The following KCNQ1OT1 variants were observed in gnomAD, a reference collection of about 807,000 sequenced individuals.
The protein encoded by KCNQ1OT1 is KCNQ1 opposite strand/antisense transcript 1.
At position 2,612,168 on chromosome 11, in the gene KCNQ1OT1, G is replaced by C. The variant is rs919413804; in HGVS notation, n.87827C>G. On this transcript the variant is annotated non_coding_transcript_exon_variant, in exon 1 of 1. Coordinates refer to ENST00000597346, the Ensembl canonical transcript of KCNQ1OT1. The surrounding 1 kb of genome is among the most constrained non-coding windows in gnomAD (Gnocchi z 5.5). ...TATTAGAAACTGGGCTACACAGCAG[G>C]AGGTGAGCAGCAGGCAAGCAAGCAT... The C allele has an allele frequency of 3.1e-4, 124 of 398,658 alleles. No homozygotes were observed. Among genetic ancestry groups the C allele is most frequent in the Middle Eastern group, 1.3e-3 (2 of 1,588 alleles). The allele number at this position is 398,658 out of a possible 1,614,324, so 24.7% of individuals were successfully genotyped here.
chr11:2,634,671 T>A (rs1849426373), exon 1 of KCNQ1OT1: 1 of 152,204 alleles, frequency 6.6e-6, no homozygotes, highest in Admixed American at 6.5e-5. Context: ...GCAGCATGAC[T>A]TATAGTCCTT....
exon 1 of KCNQ1OT1, chr11:2,638,626 CT>C (rs1463566232): frequency 6.6e-6 from 1 of 152,190 alleles, no homozygotes; most frequent in Non-Finnish European, 1.5e-5. Flanking sequence ...TTCATTTCAA[CT>C]TTGGTGAATC....
In KCNQ1OT1 at chr11:2,661,500, A is replaced by T; in HGVS notation, n.38495T>A. On this transcript the variant is annotated non_coding_transcript_exon_variant, in exon 1 of 1. Transcript: ENST00000597346. The surrounding 1 kb of genome is among the most constrained non-coding windows in gnomAD (Gnocchi z 5.9). ...CCACCTCCCAGGCTTGCCATTCCTC[A>T]TGGGTCAGAGGTCCTATCACCCCAT... The T allele has an allele frequency of 4.5e-6, 2 of 442,170 alleles. No homozygotes were observed. The highest frequency in any genetic ancestry group is 4.0e-6 in the Non-Finnish European group (1 of 251,598). 27.4% of individuals were successfully genotyped at this position (442,170 alleles called of 1,614,324 possible). A position where few individuals can be genotyped will look rare whatever the true frequency, so the allele number is the denominator to read the frequency against.
chr11:2,662,460 G>C, exon 1 of KCNQ1OT1: 1 of 474,656 alleles, frequency 2.1e-6, no homozygotes, highest in Non-Finnish European at 3.7e-6. Context: ...CCATGGGGCA[G>C]ATGCCGGGTG....
rs1382078747 is a variant in KCNQ1OT1 at position 2,663,985 on chromosome 11, C to G, written n.36010G>C. 1.8e-5 allele frequency: 7 copies of G among 398,626 alleles called. No homozygotes were observed. The highest frequency in any genetic ancestry group is 3.1e-5 in the Non-Finnish European group (7 of 226,138). The allele number at this position is 398,626 out of a possible 1,614,324, so 24.7% of individuals were successfully genotyped here. On this transcript the variant is annotated non_coding_transcript_exon_variant, in exon 1 of 1. Coordinates refer to ENST00000597346, the Ensembl canonical transcript of KCNQ1OT1. This position sits in a 1 kb window ranked among gnomAD's most constrained non-coding sequence, Gnocchi z 5.2. ...ACCTGAACATCCATCCCCAAGCTCT[C>G]TGCCCACTTTGGGTCTGGCACATTA...
exon 1 of KCNQ1OT1, chr11:2,646,555 T>C (rs1053219468): frequency 2.3e-5 from 9 of 398,548 alleles, no homozygotes; most frequent in Non-Finnish European, 4.0e-5. Flanking sequence ...AGACAGGGTC[T>C]CACTCTGTTG....
At position 2,617,045 on chromosome 11, in the gene KCNQ1OT1, A is replaced by C; in HGVS notation, n.82950T>G. The C allele has an allele frequency of 2.5e-6, 1 of 398,226 alleles. No homozygotes were observed. The highest frequency in any genetic ancestry group is 3.6e-5 in the East Asian group (1 of 28,038). 24.7% of individuals were successfully genotyped at this position (398,226 alleles called of 1,614,324 possible). On this transcript the variant is annotated non_coding_transcript_exon_variant, in exon 1 of 1. Transcript: ENST00000597346. This position sits in a 1 kb window ranked among gnomAD's most constrained non-coding sequence, Gnocchi z 4.6. ...ATCGTTAACATAGTGATGCAAATTA[A>C]TATGTCCATCATCTCACAGTTATTC...
chr11:2,648,094 T>G (rs1334485863), exon 1 of KCNQ1OT1: 14 of 391,916 alleles, frequency 3.6e-5, no homozygotes, highest in Non-Finnish European at 5.8e-5. Flanking sequence ...GCTGCACATC[T>G]ACTCAGAAGC....
exon 1 of KCNQ1OT1, chr11:2,636,532 A>T (rs565492504): frequency 7.2e-5 from 11 of 152,298 alleles, no homozygotes; most frequent in African/African-American, 2.4e-4. Context: ...CCAGGGATGA[A>T]GCCCACTTGA....
In KCNQ1OT1 at chr11:2,653,445, T is replaced by G. The variant is rs898561789; in HGVS notation, n.46550A>C. 3.0e-5 allele frequency: 12 copies of G among 398,444 alleles called. No individual in the cohort carries two copies. Among genetic ancestry groups the G allele is most frequent in the Middle Eastern group, 6.2e-4 (1 of 1,610 alleles). The allele number at this position is 398,444 out of a possible 1,614,324, so 24.7% of individuals were successfully genotyped here. On this transcript the variant is annotated non_coding_transcript_exon_variant, in exon 1 of 1. Transcript: ENST00000597346. The surrounding 1 kb of genome is among the most constrained non-coding windows in gnomAD (Gnocchi z 5.3). ...AACAAGCTTAAGCACAAAAGGGACA[T>G]TTTTTGGCTCACACAGCTGGACCCA...
In KCNQ1OT1 at chr11:2,674,832, TAAAAAAAAAA is replaced by T. The variant is rs34219164; in HGVS notation, n.25153_25162del. ...GCTTGTCACCCTAATAGCTGTTTTT[TAAAAAAAAAA>T]AAAAAAAAAAAAAAAAAAGCTCACT... On this transcript the variant is annotated non_coding_transcript_exon_variant, in exon 1 of 1. Transcript: ENST00000597346. The surrounding 1 kb of genome is among the most constrained non-coding windows in gnomAD (Gnocchi z 5.9). 12 of 303,898 alleles carry T rather than the reference TAAAAAAAAAA, an allele frequency of 3.9e-5. No individual in the cohort carries two copies. Among genetic ancestry groups the T allele is most frequent in the Middle Eastern group, 7.8e-4 (1 of 1,286 alleles). 18.8% of individuals were successfully genotyped at this position (303,898 alleles called of 1,614,324 possible).
chr11:2,662,536 A>G (rs1849980583), exon 1 of KCNQ1OT1: 3 of 423,362 alleles, frequency 7.1e-6, no homozygotes, highest in African/African-American at 2.0e-5. Context: ...CTGATTTTCC[A>G]CGCCTTCCAG....
At position 2,645,209 on chromosome 11, in the gene KCNQ1OT1, C is replaced by T; in HGVS notation, n.54786G>A. ...GCTGGGATAAGCTGGATGAGCTTGT[C>T]CCAAGGCCCACAGGTGGCAAATTCA... On this transcript the variant is annotated non_coding_transcript_exon_variant, in exon 1 of 1. Transcript: ENST00000597346. The surrounding 1 kb of genome is among the most constrained non-coding windows in gnomAD (Gnocchi z 5.8). 5.0e-6 allele frequency: 2 copies of T among 398,614 alleles called. No homozygotes were observed. Among genetic ancestry groups the T allele is most frequent in the Non-Finnish European group, 8.8e-6 (2 of 226,114 alleles). 24.7% of individuals were successfully genotyped at this position (398,614 alleles called of 1,614,324 possible).
chr11:2,666,676 C>A, exon 1 of KCNQ1OT1: 1 of 398,700 alleles, frequency 2.5e-6, no homozygotes, highest in Admixed American at 4.4e-5. Flanking sequence ...ATGGGACCAG[C>A]TTGGCCTGGG....
chr11:2,660,190 T>A (rs938884292), exon 1 of KCNQ1OT1: 6 of 392,384 alleles, frequency 1.5e-5, no homozygotes, highest in Admixed American at 8.9e-5. Flanking sequence ...TATTTTAGAT[T>A]TTTTTTCAGT....
Position 2,698,132 on chromosome 11 carries a change from C to G in KCNQ1OT1, n.1863G>C, listed in dbSNP as rs1590039174. The G allele has an allele frequency of 2.5e-6, 1 of 398,624 alleles. No homozygotes were observed. The allele number at this position is 398,624 out of a possible 1,614,324, so 24.7% of individuals were successfully genotyped here. On this transcript the variant is annotated non_coding_transcript_exon_variant, in exon 1 of 1. Coordinates refer to ENST00000597346, the Ensembl canonical transcript of KCNQ1OT1. This position sits in a 1 kb window ranked among gnomAD's most constrained non-coding sequence, Gnocchi z 5.1. Reference sequence around the variant, plus strand: ...GGCTCTTGGCTGGGTACAGAGCAGGCAGCAGAAAACAAAACAGAGTTCCTC... The same window carrying G: ...GGCTCTTGGCTGGGTACAGAGCAGGGAGCAGAAAACAAAACAGAGTTCCTC...
At position 2,695,994 on chromosome 11, in the gene KCNQ1OT1, A is replaced by G. The variant is rs1461510098; in HGVS notation, n.4001T>C. 2 of 398,636 alleles carry G rather than the reference A, an allele frequency of 5.0e-6. No homozygotes were observed. 24.7% of individuals were successfully genotyped at this position (398,636 alleles called of 1,614,324 possible). On this transcript the variant is annotated non_coding_transcript_exon_variant, in exon 1 of 1. Coordinates refer to ENST00000597346, the Ensembl canonical transcript of KCNQ1OT1. The surrounding 1 kb of genome is among the most constrained non-coding windows in gnomAD (Gnocchi z 5.2). Reference sequence around the variant, plus strand: ...CAAATATCTTGTAATGAGTCATGGCAAAGTTACATTCATGAGTGTAAAAGT... The same window carrying G: ...CAAATATCTTGTAATGAGTCATGGCGAAGTTACATTCATGAGTGTAAAAGT...
At chr11:2,622,697 T>C in exon 1 of KCNQ1OT1, 1 of 398,640 alleles carries the variant, frequency 2.5e-6, no homozygotes, top group Non-Finnish European at 4.4e-6. Context: ...ATTGTCTGTA[T>C]GTGTGTATGT....
chr11:2,646,316 A>C (rs1045851010), exon 1 of KCNQ1OT1: 3 of 398,318 alleles, frequency 7.5e-6, no homozygotes, highest in Non-Finnish European at 1.3e-5. Flanking sequence ...TCATTTTAAC[A>C]TTTTTCTTTC....
Sources: allele counts gnomAD v4.1 joint callset, GRCh38; gene constraint gnomAD v4.1.1; non-coding constraint Gnocchi (gnomAD v3.1); transcripts MANE v1.5; gene names NCBI Gene and HGNC (gene_info 2026-07-23, HGNC 2026-07-21).